TRMT11: variants seen among roughly 807,000 people sequenced by gnomAD.
The protein encoded by TRMT11 is tRNA methyltransferase 11, also known as tRNA (guanine(10)-N(2))-methyltransferase TRMT11.
In TRMT11, 53 loss-of-function variants were observed where a neutral mutation model predicts 62.8. The observed-to-expected ratio is 0.84, with a 90% confidence interval of 0.68 to 1.06. The LOEUF is 1.06. Among genes scored for constraint, TRMT11 ranks in the 50% least tolerant of loss-of-function variants. TRMT11 has a pLI of 0.00. For synonymous variants in TRMT11, 188 were observed against 190.3 expected, an observed-to-expected ratio of 0.99 and a Z score of 0.10; for missense variants, 556 against 553.4, an observed-to-expected ratio of 1.00 and a Z score of -0.05.
downstream of TRMT11, among the ~76,000 whole-genome samples, chr6:126,206,349 T>A (rs1195257713): frequency 6.6e-6 from 1 of 152,146 alleles, no homozygotes; most frequent in Non-Finnish European, 1.5e-5. Context: ...GTTAAAAGAT[T>A]CTGTTTTAGT....
chr6:126,198,959 T>G (rs973234870), intron 2 of TRMT11: 2 of 152,226 alleles, frequency 1.3e-5, no homozygotes, highest in African/African-American at 2.4e-5. Context: ...GTCCTCCAAT[T>G]TATTGCTCTC....
chr6:126,137,080 A>AT (rs963819173), intron 21 of TRMT11, among the ~76,000 whole-genome samples: 8 of 151,808 alleles, frequency 5.3e-5, no homozygotes, highest in Non-Finnish European at 1.0e-4. Flanking sequence ...CTTAGCAAAG[A>AT]TTTTTTTGGA....
rs190119864 is a variant in TRMT11, at chr6:126,086,373, A to T, written c.*1438-26493A>T. On this transcript the variant is annotated intron_variant and NMD_transcript_variant, in intron 17 of 22. Transcript: ENST00000648977. Reference sequence around the variant, plus strand: ...ATCCATCCAGTGTCCCGAGCTAGAAACCGAGATAACATTCTTGATTGCCCT... The same window carrying T: ...ATCCATCCAGTGTCCCGAGCTAGAATCCGAGATAACATTCTTGATTGCCCT... 6.6e-5 allele frequency among the ~76,000 whole-genome samples: 10 copies of T among 152,244 alleles called. No homozygotes were observed. In the East Asian group the frequency reaches 1.9e-3, roughly 29 times the overall value.
At chr6:126,029,136 C>T (rs984876012) in intron 12 of TRMT11, among the ~76,000 whole-genome samples, 3 of 152,080 alleles carry the variant, frequency 2.0e-5, no homozygotes, top group Non-Finnish European at 1.5e-5. Context: ...TCTTATTTGT[C>T]ATATGTTTAT....
the TRMT11 span, among the ~76,000 whole-genome samples, chr6:126,257,406 T>C: frequency 3.9e-3 from 592 of 152,250 alleles, 7 homozygotes; most frequent in African/African-American, 0.014. Flanking sequence ...TTTACTAGTA[T>C]CTTGTTGAGA....
At chr6:126,119,648 C>T (rs1777628598) in intron 21 of TRMT11, among the ~76,000 whole-genome samples, 1 of 152,008 alleles carries the variant, frequency 6.6e-6, no homozygotes, top group Admixed American at 6.6e-5. Flanking sequence ...TGCCTGTTTA[C>T]TGGGTTAGCT....
chr6:126,152,459 G>T (rs1041645733), intron 21 of TRMT11, among the ~76,000 whole-genome samples: 1 of 152,106 alleles, frequency 6.6e-6, no homozygotes, highest in African/African-American at 2.4e-5. Context: ...GGAAGTCACT[G>T]CCCTCTGCCC....
At position 125,998,600 on chromosome 6, in the gene TRMT11, A is replaced by G. The variant is rs1252935243; in HGVS notation, c.438A>G (p.Gln146=). The change falls in exon 6 of 13, where the codon CAA becomes CAG. Residue 146 remains glutamine (Q), a synonymous_variant. Coordinates refer to ENST00000334379, the MANE Select transcript of TRMT11 (RefSeq NM_001031712.3). ...GAAAAGTGAATTTAAAGAAACCGCA[A>G]CATGTATTTTCTGTTTTGGAGGATT... ...FEGKVNLKKP[Q]HVFSVLEDYG... 22 of 1,613,418 alleles carry G rather than the reference A, an allele frequency of 1.4e-5. No individual in the cohort carries two copies. The highest frequency in any genetic ancestry group is 1.8e-5 in the Non-Finnish European group (21 of 1,179,700).
intron 21 of TRMT11, among the ~76,000 whole-genome samples, chr6:126,152,892 G>T (rs1310434539): frequency 6.6e-6 from 1 of 152,170 alleles, no homozygotes; most frequent in East Asian, 1.9e-4. Flanking sequence ...CCAACCTGAG[G>T]CAGTTATGGG....
At chr6:126,159,639 A>G (rs1778166535) in intron 21 of TRMT11, among the ~76,000 whole-genome samples, 1 of 152,200 alleles carries the variant, frequency 6.6e-6, no homozygotes, top group Non-Finnish European at 1.5e-5. Context: ...ATAACACAGT[A>G]TTATTACAAA....
intron 21 of TRMT11, among the ~76,000 whole-genome samples, chr6:126,136,005 A>G (rs1777845168): frequency 6.6e-6 from 1 of 151,754 alleles, no homozygotes; most frequent in Admixed American, 6.6e-5. Flanking sequence ...TCAAGGCCAT[A>G]TATTACAAGC....
chr6:126,246,879 T>G, the TRMT11 span, among the ~76,000 whole-genome samples: 1 of 152,310 alleles, frequency 6.6e-6, no homozygotes, highest in South Asian at 2.1e-4. Context: ...CTATTAATCT[T>G]GATTAGTTTC....
chr6:126,105,027 G>A (rs530863794), intron 17 of TRMT11, among the ~76,000 whole-genome samples: 25 of 152,252 alleles, frequency 1.6e-4, no homozygotes, highest in South Asian at 4.2e-4. Flanking sequence ...TTCTCCAGAC[G>A]TGGCACCACT....
At chr6:126,228,781 T>A in the TRMT11 span, among the ~76,000 whole-genome samples, 2 of 152,128 alleles carry the variant, frequency 1.3e-5, no homozygotes, top group East Asian at 3.9e-4. Context: ...CCAAGCAAAC[T>A]CTCAGAGCTC....
intron 16 of TRMT11, among the ~76,000 whole-genome samples, chr6:126,044,727 C>T (rs1018264342): frequency 6.6e-6 from 1 of 152,106 alleles, no homozygotes; most frequent in Non-Finnish European, 1.5e-5. Context: ...ATAGTGTCTT[C>T]CTTTCAGAGT....
chr6:126,151,776 A>AGTTT (rs1562334634), intron 21 of TRMT11, among the ~76,000 whole-genome samples: 3 of 57,436 alleles, frequency 5.2e-5, no homozygotes, highest in African/African-American at 2.6e-4. Flanking sequence ...CCTTCCTTTC[A>AGTTT]CCCTTTTCCT....
intron 21 of TRMT11, among the ~76,000 whole-genome samples, chr6:126,142,454 C>A (rs941257966): frequency 3.0e-4 from 46 of 152,102 alleles, no homozygotes; most frequent in African/African-American, 9.9e-4. Flanking sequence ...GTGGAGTTGT[C>A]TAAATGACTT....
At chr6:125,989,017 A>C (rs1790145800) in intron 1 of TRMT11, among the ~76,000 whole-genome samples, 1 of 151,988 alleles carries the variant, frequency 6.6e-6, no homozygotes, top group Non-Finnish European at 1.5e-5. Flanking sequence ...GGTTATGGTA[A>C]TTTGGAAGGC....
At chr6:126,053,722 C>T (rs959909407) in intron 17 of TRMT11, among the ~76,000 whole-genome samples, 1 of 151,920 alleles carries the variant, frequency 6.6e-6, no homozygotes, top group African/African-American at 2.4e-5. Flanking sequence ...TCGAGAGCTT[C>T]GAGGAACAAA....
Sources: allele counts gnomAD v4.1 joint callset (sites outside exome capture counted in the v4.1 genomes callset), GRCh38; gene constraint gnomAD v4.1.1; transcripts MANE v1.5; gene names NCBI Gene and HGNC (gene_info 2026-07-23, HGNC 2026-07-21).